Variants in NEK4 observed in about 807,000 individuals in gnomAD.
The protein encoded by NEK4 is NIMA related kinase 4.
Under a neutral mutation model 98.4 loss-of-function variants are expected in NEK4, and 86 were observed. That is an observed-to-expected ratio of 0.87 (90% CI 0.73 to 1.05). The LOEUF is 1.05. Among genes scored for constraint, NEK4 ranks in the 50% least tolerant of loss-of-function variants. The pLI, the probability that NEK4 is intolerant of heterozygous loss-of-function variation, is 0.00. For synonymous variants in NEK4, 328 were observed against 342.2 expected (o/e 0.96, Z 0.46); for missense variants, 898 against 950.3 (o/e 0.94, Z 0.72).
At chr3:52,731,092 C>CAT (rs141066333) in intron 15 of NEK4, among the ~76,000 whole-genome samples, 1 of 152,158 alleles carries the variant, frequency 6.6e-6, no homozygotes, top group East Asian at 1.9e-4. Flanking sequence ...GAGCCTATAA[C>CAT]ATATAGAAAT....
intron 5 of NEK4, among the ~76,000 whole-genome samples, 176 bp from the exon 6 acceptor site, chr3:52,761,112 G>A (rs1157668286): frequency 6.6e-6 from 1 of 151,996 alleles, no homozygotes; most frequent in African/African-American, 2.4e-5. Context: ...AGTAGTCTTT[G>A]AAACAATCAA....
chr3:52,739,023 A>T (rs2097381088), intron 14 of NEK4, among the ~76,000 whole-genome samples: 1 of 152,224 alleles, frequency 6.6e-6, no homozygotes, highest in South Asian at 2.1e-4. Context: ...AAATAATTTT[A>T]AAAACACAAA....
At chr3:52,750,492 A>T (rs901454085) in intron 7 of NEK4, among the ~76,000 whole-genome samples, 5 of 152,204 alleles carry the variant, frequency 3.3e-5, no homozygotes, top group African/African-American at 1.2e-4. Context: ...GGTTATAGTG[A>T]GCTGAGATCG....
intron 15 of NEK4, among the ~76,000 whole-genome samples, chr3:52,729,384 AT>A (rs1425062883): frequency 1.3e-5 from 2 of 151,782 alleles, no homozygotes; most frequent in Non-Finnish European, 2.9e-5. Context: ...AGCCTGGGGG[AT>A]GGAGCGAAAG....
rs750460834 is a variant in NEK4, at chr3:52,770,616, C to T, written c.93+38G>A. ...GGTCGGCGCCCTCGGCGCACTTCTG[C>T]CCGCCCCCGCCCCTTGCCGGGCCCC... On this transcript the variant is annotated intron_variant, in intron 1 of 15. Coordinates refer to ENST00000233027, the MANE Select transcript of NEK4 (RefSeq NM_003157.6). 8.3e-6 allele frequency: 11 copies of T among 1,331,642 alleles called. No individual in the cohort carries two copies. In the Admixed American group the frequency reaches 1.4e-4, roughly 17 times the overall value. 82.5% of individuals were successfully genotyped at this position (1,331,642 alleles called of 1,614,324 possible).
Position 52,711,675 on chromosome 3 carries a change from A to T in NEK4, c.*102T>A, listed in dbSNP as rs2097350527. 1.4e-6 allele frequency: 1 copy of T among 704,798 alleles called. No individual in the cohort carries two copies. Among genetic ancestry groups the T allele is most frequent in the Non-Finnish European group, 2.5e-6 (1 of 392,838 alleles). 43.7% of individuals were successfully genotyped at this position (704,798 alleles called of 1,614,324 possible). The stretch of plus-strand genomic sequence containing the variant: ...AAAGAGATATAAAAAAGAGATATAA[A>T]ACAGTGGTGAGTGGCTTCCAAATGA... On this transcript the variant is annotated 3_prime_UTR_variant, in exon 16 of 16. Transcript: ENST00000233027.
At chr3:52,727,975 G>A (rs537554651) in intron 15 of NEK4, among the ~76,000 whole-genome samples, 1 of 152,344 alleles carries the variant, frequency 6.6e-6, no homozygotes, top group South Asian at 2.1e-4. Context: ...GCCAATGACT[G>A]TAATCTCAGC....
At chr3:52,765,642 GT>G (rs1280059053) in intron 4 of NEK4, among the ~76,000 whole-genome samples, 1 of 152,184 alleles carries the variant, frequency 6.6e-6, no homozygotes, top group Non-Finnish European at 1.5e-5. Context: ...ATAGGCATAG[GT>G]TTTCAAAAAG....
chr3:52,743,246 C>A, intron 12 of NEK4, 106 bp downstream of exon 12: 3 of 786,962 alleles, frequency 3.8e-6, no homozygotes, highest in South Asian at 3.1e-5. Flanking sequence ...ATATAACAAG[C>A]TGGCCCTGTC....
chr3:52,731,708 C>G (rs916384881), intron 15 of NEK4, among the ~76,000 whole-genome samples: 2 of 152,212 alleles, frequency 1.3e-5, no homozygotes, highest in Admixed American at 1.3e-4. Flanking sequence ...GCAGCACACA[C>G]AGGAGTCTTG....
chr3:52,729,158 C>T (rs1252875329), intron 15 of NEK4, among the ~76,000 whole-genome samples: 1 of 152,012 alleles, frequency 6.6e-6, no homozygotes, highest in East Asian at 1.9e-4. Flanking sequence ...TTGTACACCC[C>T]CTCCCCTTTT....
chr3:52,745,808 C>T (rs575461025), intron 10 of NEK4, among the ~76,000 whole-genome samples: 4 of 152,152 alleles, frequency 2.6e-5, no homozygotes, highest in Non-Finnish European at 5.9e-5. Context: ...CCTTAACCTC[C>T]GCCTTTTGGG....
intron 6 of NEK4, chr3:52,753,774 T>C: frequency 1.9e-6 from 1 of 535,984 alleles, no homozygotes; most frequent in Non-Finnish European, 3.8e-6. Flanking sequence ...GAATTTACCT[T>C]GGTTGCGGAG....
At chr3:52,716,899 C>G (rs1000120225) in intron 15 of NEK4, among the ~76,000 whole-genome samples, 1 of 152,190 alleles carries the variant, frequency 6.6e-6, no homozygotes, top group African/African-American at 2.4e-5. Flanking sequence ...TACTCCAGGC[C>G]AGTGAAGGCA....
chr3:52,754,131 T>C, intron 6 of NEK4: 2 of 262,158 alleles, frequency 7.6e-6, no homozygotes, highest in Middle Eastern at 1.4e-3. Flanking sequence ...CACTGCACTC[T>C]AGCCTGGGAA....
intron 15 of NEK4, among the ~76,000 whole-genome samples, chr3:52,735,971 G>C (rs1038485031): frequency 2.0e-5 from 3 of 152,190 alleles, no homozygotes; most frequent in African/African-American, 7.2e-5. Context: ...ATTCCTTAGT[G>C]GGGCAACAAG....
rs917389482 is a variant in NEK4 at position 52,741,508 on chromosome 3, T to C, written c.2005-9A>G. Reference sequence around the variant, plus strand: ...TGAATCTGTTTCCTTTCCTATTAAATGTTTGGAAGAATTAAAATTCTACAT... The same window carrying C: ...TGAATCTGTTTCCTTTCCTATTAAACGTTTGGAAGAATTAAAATTCTACAT... On this transcript the variant is annotated splice_polypyrimidine_tract_variant and intron_variant, in intron 12 of 15. Coordinates refer to ENST00000233027, the MANE Select transcript of NEK4 (RefSeq NM_003157.6). 6.4e-7 allele frequency: 1 copy of C among 1,562,588 alleles called. No homozygotes were observed. Among genetic ancestry groups the C allele is most frequent in the Admixed American group, 1.7e-5 (1 of 59,804 alleles).
At chr3:52,715,731 C>T (rs971932726) in intron 15 of NEK4, among the ~76,000 whole-genome samples, 1 of 152,222 alleles carries the variant, frequency 6.6e-6, no homozygotes, top group Non-Finnish European at 1.5e-5. Flanking sequence ...CTTGCTTACC[C>T]TGTATTTGTC....
At chr3:52,759,480 C>T (rs1333402950) in intron 6 of NEK4, among the ~76,000 whole-genome samples, 3 of 152,034 alleles carry the variant, frequency 2.0e-5, no homozygotes, top group Non-Finnish European at 4.4e-5. Flanking sequence ...TGAAAAGATG[C>T]TGTATGTCAT....
Sources: gnomAD v4.1 joint callset for allele counts (sites outside exome capture counted in the v4.1 genomes callset) on GRCh38, gnomAD v4.1.1 for gene constraint, MANE v1.5 for transcripts, NCBI Gene and HGNC (gene_info 2026-07-23, HGNC 2026-07-21) for gene names.